Variants in PCDH11Y observed in about 807,000 individuals in gnomAD.
The protein encoded by PCDH11Y is protocadherin 11 Y-linked.
For synonymous variants in PCDH11Y, 9 were observed against 83.6 expected, an observed-to-expected ratio of 0.11 and a Z score of 4.87; for missense variants, 12 against 224.8, an observed-to-expected ratio of 0.05 and a Z score of 6.05.
chrY:5,205,990 C>G, intron 2 of PCDH11Y, among the ~76,000 whole-genome samples: 2 of 32,001 alleles, frequency 6.2e-5, no homozygotes, highest in Non-Finnish European at 1.5e-4. Context: ...CTCTGGAAGT[C>G]TACAATGATG....
intron 2 of PCDH11Y, among the ~76,000 whole-genome samples, chrY:5,319,563 A>G: frequency 3.0e-5 from 1 of 33,205 alleles, no homozygotes; most frequent in East Asian, 8.0e-4. Flanking sequence ...TATGCATGGT[A>G]ATATATGCAT....
At chrY:5,613,800 T>C (rs2053490450) in intron 4 of PCDH11Y, among the ~76,000 whole-genome samples, 2 of 32,842 alleles carry the variant, frequency 6.1e-5, no homozygotes, top group African/African-American at 2.4e-4. Flanking sequence ...TGCCAGTGGA[T>C]TTTTTAGGCC....
intron 2 of PCDH11Y, among the ~76,000 whole-genome samples, chrY:5,386,492 A>T (rs1602917086): frequency 6.2e-5 from 2 of 32,380 alleles, no homozygotes. Flanking sequence ...AATGCCAATT[A>T]TCTTAGGTTT....
At chrY:5,223,559 G>T in intron 2 of PCDH11Y, among the ~76,000 whole-genome samples, 1 of 32,296 alleles carries the variant, frequency 3.1e-5, no homozygotes, top group South Asian at 7.0e-4. Context: ...CAGCTCAAAG[G>T]ATCCTCCCAC....
At chrY:5,395,211 A>G in intron 2 of PCDH11Y, among the ~76,000 whole-genome samples, 1 of 33,017 alleles carries the variant, frequency 3.0e-5, no homozygotes, top group African/African-American at 1.2e-4. Context: ...ACATCACATT[A>G]TTTAGGATAA....
At chrY:5,111,149 G>A in intron 2 of PCDH11Y, among the ~76,000 whole-genome samples, 1 of 32,645 alleles carries the variant, frequency 3.1e-5, no homozygotes, top group South Asian at 7.0e-4. Context: ...TGTCTCCCAG[G>A]CTGGAGTGCA....
chrY:5,408,107 A>T, intron 2 of PCDH11Y, among the ~76,000 whole-genome samples: 1 of 32,811 alleles, frequency 3.0e-5, no homozygotes, highest in Non-Finnish European at 7.4e-5. Flanking sequence ...AGGTCATCAA[A>T]AACAAGGAAA....
rs2053524759 is a variant in PCDH11Y at position 5,643,779 on chromosome Y, TA to T, written c.3352+61989del. Among the ~76,000 whole-genome samples the T allele has an allele frequency of 2.9e-4, 8 of 27,651 alleles. No individual in the cohort carries two copies. In the South Asian group the frequency reaches 6.5e-3, roughly 22 times the overall value. The allele number at this position is 27,651 out of a possible 37,273, so 74.2% of individuals were successfully genotyped here. On this transcript the variant is annotated intron_variant, in intron 4 of 4. Transcript: ENST00000400457. ...ACCCCATCCCTATTTTTGTACCCAT[TA>T]AAAAAAAGATTTGTGTTTAGTTTCA...
intron 2 of PCDH11Y, among the ~76,000 whole-genome samples, chrY:5,115,082 C>T (rs2571708): frequency 3.4e-5 from 1 of 29,511 alleles, no homozygotes; most frequent in Admixed American, 3.2e-4. Flanking sequence ...AAAAATTTAA[C>T]GCATTTATTG....
chrY:5,415,447 C>A (rs2124678922), intron 2 of PCDH11Y, among the ~76,000 whole-genome samples: 1 of 32,981 alleles, frequency 3.0e-5, no homozygotes, highest in Non-Finnish European at 7.5e-5. Flanking sequence ...CTGGAGCTCT[C>A]CGACAGTCAG....
chrY:5,228,675 T>C (rs2052963708), intron 2 of PCDH11Y, among the ~76,000 whole-genome samples: 1 of 33,277 alleles, frequency 3.0e-5, no homozygotes, highest in Non-Finnish European at 7.4e-5. Context: ...ATTTCGTCAT[T>C]GACCTACTGG....
At chrY:5,399,495 ATTTTT>A (rs1442754679) in intron 2 of PCDH11Y, among the ~76,000 whole-genome samples, 1 of 22,037 alleles carries the variant, frequency 4.5e-5, no homozygotes, top group African/African-American at 1.8e-4. Context: ...AGACTGTAGA[ATTTTT>A]TTTTTTTTTT....
intron 2 of PCDH11Y, among the ~76,000 whole-genome samples, chrY:5,309,422 T>G: frequency 2.9e-5 from 1 of 34,116 alleles, no homozygotes. Flanking sequence ...ACAGTCTGAG[T>G]CAATTATTCA....
At chrY:5,233,051 G>T in intron 2 of PCDH11Y, among the ~76,000 whole-genome samples, 11 of 32,781 alleles carry the variant, frequency 3.4e-4, no homozygotes, top group Admixed American at 5.6e-4. Flanking sequence ...ATGCCAAGGT[G>T]GGGGAGTGGT....
chrY:5,013,398 A>C, intron 1 of PCDH11Y, among the ~76,000 whole-genome samples: 1 of 32,427 alleles, frequency 3.1e-5, no homozygotes, highest in Non-Finnish European at 7.6e-5. Flanking sequence ...ATTTGAGTAG[A>C]TCTTAGAATG....
intron 3 of PCDH11Y, among the ~76,000 whole-genome samples, chrY:5,547,377 GT>G (rs2053414251): frequency 6.2e-5 from 2 of 32,234 alleles, no homozygotes; most frequent in Non-Finnish European, 1.5e-4. Context: ...TTAACACTTG[GT>G]TTAACAAAAA....
chrY:5,243,399 C>G, intron 2 of PCDH11Y, among the ~76,000 whole-genome samples: 1 of 30,355 alleles, frequency 3.3e-5, no homozygotes, highest in Non-Finnish European at 7.3e-5. Context: ...CGTTTATAAT[C>G]TTACATGTAT....
At chrY:5,067,625 A>AT (rs2052688910) in intron 1 of PCDH11Y, among the ~76,000 whole-genome samples, 1 of 33,157 alleles carries the variant, frequency 3.0e-5, no homozygotes, top group African/African-American at 1.2e-4. Flanking sequence ...TGACACAATT[A>AT]TTTTTGTTTC....
intron 2 of PCDH11Y, among the ~76,000 whole-genome samples, chrY:5,333,275 G>A (rs1602906222): frequency 3.0e-5 from 1 of 33,410 alleles, no homozygotes; most frequent in African/African-American, 1.2e-4. Flanking sequence ...ATTCCTTTTC[G>A]TTTTGATAAG....
Sources: allele counts gnomAD v4.1 joint callset (sites outside exome capture counted in the v4.1 genomes callset), GRCh38; gene constraint gnomAD v4.1.1; transcripts MANE v1.5; gene names NCBI Gene and HGNC (gene_info 2026-07-23, HGNC 2026-07-21).